The following PPARGC1A variants were observed in gnomAD, a reference collection of about 807,000 sequenced individuals.
PPARGC1A encodes peroxisome proliferator-activated receptor gamma coactivator 1-alpha.
PPARGC1A carries 25 observed loss-of-function variants against 88.7 expected under a neutral mutation model. The ratio of observed to expected loss-of-function variants is 0.28; its 90% CI spans 0.21 to 0.39. The LOEUF is 0.39. PPARGC1A is among the 10% of genes least tolerant of loss of function. The pLI is 1.00. For missense variants in PPARGC1A, 880 were observed against 968.7 expected, an observed-to-expected ratio of 0.91 and a Z score of 1.22; for synonymous variants, 363 against 355.6, an observed-to-expected ratio of 1.02 and a Z score of -0.24.
chr4:24,267,691 C>T, the PPARGC1A span, among the ~76,000 whole-genome samples: 2 of 152,150 alleles, frequency 1.3e-5, no homozygotes, highest in African/African-American at 4.8e-5. Flanking sequence ...TCATACTTTA[C>T]TTTTAAAGTT....
chr4:24,135,547 G>A, the PPARGC1A span, among the ~76,000 whole-genome samples: 14,135 of 152,078 alleles, frequency 0.093, 689 homozygotes, highest in African/African-American at 0.11. Context: ...GAAGGATTTT[G>A]CTTGGTATTT....
the PPARGC1A span, among the ~76,000 whole-genome samples, chr4:24,160,185 T>C: frequency 1.3e-5 from 2 of 152,220 alleles, no homozygotes; most frequent in African/African-American, 4.8e-5. Flanking sequence ...TACTTCTTTC[T>C]CTGCAGGGTT....
At chr4:24,301,545 C>T in the PPARGC1A span, among the ~76,000 whole-genome samples, 3 of 147,732 alleles carry the variant, frequency 2.0e-5, no homozygotes, top group Non-Finnish European at 3.0e-5. Flanking sequence ...CTGTTAAGGC[C>T]ATCAGAATAT....
the PPARGC1A span, among the ~76,000 whole-genome samples, chr4:24,368,880 G>A: frequency 6.6e-6 from 1 of 152,126 alleles, no homozygotes; most frequent in Non-Finnish European, 1.5e-5. Flanking sequence ...CTTGTGGCCT[G>A]TTAACTCAGT....
chr4:24,000,762 A>C, the PPARGC1A span, among the ~76,000 whole-genome samples: 2 of 152,200 alleles, frequency 1.3e-5, no homozygotes, highest in Non-Finnish European at 2.9e-5. Context: ...AAATTTAACA[A>C]CTACTTATTT....
chr4:24,020,222 A>G, the PPARGC1A span, among the ~76,000 whole-genome samples: 1 of 152,210 alleles, frequency 6.6e-6, no homozygotes, highest in South Asian at 2.1e-4. Flanking sequence ...GATCATTATC[A>G]TGGTTTTCCA....
the PPARGC1A span, among the ~76,000 whole-genome samples, chr4:24,067,478 T>C: frequency 6.6e-6 from 1 of 152,280 alleles, no homozygotes; most frequent in Admixed American, 6.5e-5. Context: ...AAGTTTGGTA[T>C]CATTCCGCGT....
the PPARGC1A span, among the ~76,000 whole-genome samples, chr4:24,181,337 T>C: frequency 6.6e-6 from 1 of 152,166 alleles, no homozygotes; most frequent in Non-Finnish European, 1.5e-5. Context: ...AATTGTTTTA[T>C]TTCCCTCATA....
the PPARGC1A span, among the ~76,000 whole-genome samples, chr4:24,452,823 G>A: frequency 6.6e-6 from 1 of 152,154 alleles, no homozygotes; most frequent in Non-Finnish European, 1.5e-5. Flanking sequence ...CCAACAAAGG[G>A]CCTGGGATTT....
chr4:24,110,994 C>T, the PPARGC1A span, among the ~76,000 whole-genome samples: 1 of 152,258 alleles, frequency 6.6e-6, no homozygotes, highest in South Asian at 2.1e-4. Flanking sequence ...TTTTATTTCA[C>T]ACTGACTTTG....
chr4:23,975,693 C>T, the PPARGC1A span, among the ~76,000 whole-genome samples: 5 of 152,208 alleles, frequency 3.3e-5, no homozygotes, highest in African/African-American at 7.2e-5. Context: ...GCTGGAATTA[C>T]AGGCATGAGC....
chr4:24,317,440 A>AACAAAG, the PPARGC1A span, among the ~76,000 whole-genome samples: 1 of 151,718 alleles, frequency 6.6e-6, no homozygotes, highest in Non-Finnish European at 1.5e-5. Context: ...AGCCTCAAAA[A>AACAAAG]ACAAAGACAT....
chr4:23,811,802 C>T (rs1720936489), intron 10 of PPARGC1A, among the ~76,000 whole-genome samples: 1 of 148,296 alleles, frequency 6.7e-6, no homozygotes, highest in Admixed American at 6.7e-5. Context: ...TGCTGAAATC[C>T]ATAAAATGTC....
the PPARGC1A span, among the ~76,000 whole-genome samples, chr4:24,216,194 C>T: frequency 7.1e-6 from 1 of 140,602 alleles, no homozygotes; most frequent in Non-Finnish European, 1.5e-5. Flanking sequence ...GTCGCCCAGA[C>T]CGGAGTGCAA....
chr4:24,312,075 C>T, the PPARGC1A span, among the ~76,000 whole-genome samples: 15 of 152,160 alleles, frequency 9.9e-5, no homozygotes, highest in Non-Finnish European at 1.6e-4. Flanking sequence ...TGCACCTATA[C>T]GTGTATCTCT....
At chr4:24,285,242 C>T in the PPARGC1A span, among the ~76,000 whole-genome samples, 1 of 152,164 alleles carries the variant, frequency 6.6e-6, no homozygotes. Context: ...TATGCTTTTG[C>T]ATTAAGCCTG....
At chr4:23,809,629 T>C (rs1720499050) in intron 10 of PPARGC1A, among the ~76,000 whole-genome samples, 1 of 152,206 alleles carries the variant, frequency 6.6e-6, no homozygotes, top group African/African-American at 2.4e-5. Flanking sequence ...ATGTTAATAA[T>C]ATATTGTATT....
At chr4:24,038,506 T>C in the PPARGC1A span, among the ~76,000 whole-genome samples, 1 of 152,222 alleles carries the variant, frequency 6.6e-6, no homozygotes, top group Non-Finnish European at 1.5e-5. Flanking sequence ...CTCCTGAGTC[T>C]AACCCTCCAA....
At chr4:24,274,271 C>T in the PPARGC1A span, among the ~76,000 whole-genome samples, 2 of 152,070 alleles carry the variant, frequency 1.3e-5, no homozygotes, top group African/African-American at 4.8e-5. Context: ...TCACCAAAGT[C>T]CCAAGCAGAG....
Sources: allele counts gnomAD v4.1 joint callset (sites outside exome capture counted in the v4.1 genomes callset), GRCh38; gene constraint gnomAD v4.1.1; transcripts MANE v1.5; gene names NCBI Gene and HGNC (gene_info 2026-07-23, HGNC 2026-07-21).